The following SGCZ variants were observed in gnomAD, a reference collection of about 807,000 sequenced individuals.
SGCZ encodes the protein sarcoglycan zeta, also known as zeta-sarcoglycan.
In SGCZ, 40 loss-of-function variants were observed where a neutral mutation model predicts 41.3. That is an observed-to-expected ratio of 0.97 (90% confidence interval 0.75 to 1.26). SGCZ has a LOEUF of 1.26. SGCZ is among the 50% of genes most tolerant of loss of function. SGCZ has a pLI of 0.00. For synonymous variants in SGCZ, 206 were observed against 137.5 expected (o/e 1.50, Z -3.49); for missense variants, 552 against 369.8 (o/e 1.49, Z -4.04).
intron 2 of SGCZ, among the ~76,000 whole-genome samples, chr8:14,466,819 A>G (rs1801063776): frequency 6.6e-6 from 1 of 151,600 alleles, no homozygotes; most frequent in Non-Finnish European, 1.5e-5. Context: ...AGGTTTCTAT[A>G]TTTTATTAAT....
In SGCZ at chr8:14,380,580, G is replaced by A. The variant is rs147057273; in HGVS notation, c.235-56376C>T. On this transcript the variant is annotated intron_variant, in intron 2 of 7. Transcript: ENST00000382080. ...AAGAATTGTGCAATGTAGGCCAGGCGTGGTGGCTCATGCCTGTAATCCCAG... is the reference window on the plus strand; with the variant it reads ...AAGAATTGTGCAATGTAGGCCAGGCATGGTGGCTCATGCCTGTAATCCCAG... Among the ~76,000 whole-genome samples, 12 of 152,302 alleles carry A rather than the reference G, an allele frequency of 7.9e-5. No homozygotes were observed. In the East Asian group the frequency reaches 1.9e-3, roughly 24 times the overall value.
chr8:14,512,540 A>C (rs958959087), intron 2 of SGCZ, among the ~76,000 whole-genome samples: 1 of 151,798 alleles, frequency 6.6e-6, no homozygotes, highest in African/African-American at 2.4e-5. Context: ...AGCTGACTGC[A>C]GCCTCAAATT....
At chr8:14,806,735 G>T (rs1801543302) in intron 1 of SGCZ, among the ~76,000 whole-genome samples, 1 of 152,196 alleles carries the variant, frequency 6.6e-6, no homozygotes, top group South Asian at 2.1e-4. Context: ...ATTTTAGGGA[G>T]TTAGCATCAT....
intron 1 of SGCZ, among the ~76,000 whole-genome samples, chr8:14,808,366 A>G (rs1801621450): frequency 6.6e-6 from 1 of 152,202 alleles, no homozygotes; most frequent in African/African-American, 2.4e-5. Flanking sequence ...ATCTACGATG[A>G]ACTCAAACAA....
chr8:14,779,525 T>C (rs1800518800), intron 1 of SGCZ, among the ~76,000 whole-genome samples: 1 of 152,218 alleles, frequency 6.6e-6, no homozygotes, highest in South Asian at 2.1e-4. Flanking sequence ...ATTTTTGATC[T>C]ACAAAAATTG....
At chr8:14,137,424 A>G (rs1005508216) in intron 5 of SGCZ, among the ~76,000 whole-genome samples, 8 of 152,122 alleles carry the variant, frequency 5.3e-5, no homozygotes, top group Non-Finnish European at 8.8e-5. Context: ...AGAAGCTAAA[A>G]ACCTTGAAAA....
At chr8:14,367,768 C>A (rs1803765608) in intron 2 of SGCZ, among the ~76,000 whole-genome samples, 1 of 152,086 alleles carries the variant, frequency 6.6e-6, no homozygotes, top group Non-Finnish European at 1.5e-5. Context: ...AGGTCTCTCC[C>A]TAAACACTTG....
At chr8:14,624,568 T>A (rs1334638472) in intron 1 of SGCZ, among the ~76,000 whole-genome samples, 23,731 of 125,960 alleles carry the variant, frequency 0.19, 2,642 homozygotes, top group Admixed American at 0.23. Flanking sequence ...TTTTTTTTTT[T>A]TTTTTTTTTT....
At chr8:14,862,016 G>GA (rs377060838) in intron 1 of SGCZ, among the ~76,000 whole-genome samples, 135 of 147,664 alleles carry the variant, frequency 9.1e-4, no homozygotes, top group South Asian at 4.3e-3. Context: ...TCCACCATTG[G>GA]AAAAAAAAAA....
intron 4 of SGCZ, among the ~76,000 whole-genome samples, chr8:14,222,369 T>G (rs985365094): frequency 6.6e-6 from 1 of 151,910 alleles, no homozygotes; most frequent in Non-Finnish European, 1.5e-5. Context: ...GGGGTTTCAC[T>G]ATCTTGGCCA....
intron 3 of SGCZ, among the ~76,000 whole-genome samples, chr8:14,290,262 C>T (rs1230004004): frequency 6.6e-6 from 1 of 151,964 alleles, no homozygotes; most frequent in Non-Finnish European, 1.5e-5. Context: ...GGGAAATTTC[C>T]ATAACATTGG....
intron 2 of SGCZ, among the ~76,000 whole-genome samples, chr8:14,384,252 G>A (rs1804485482): frequency 6.6e-6 from 1 of 152,032 alleles, no homozygotes; most frequent in Admixed American, 6.6e-5. Context: ...TGCTGAGAAT[G>A]ATGGTTTCCA....
At chr8:14,695,973 T>C (rs1808948383) in intron 1 of SGCZ, among the ~76,000 whole-genome samples, 1 of 152,160 alleles carries the variant, frequency 6.6e-6, no homozygotes, top group South Asian at 2.1e-4. Flanking sequence ...GCTTCTACAA[T>C]TACCATATCA....
chr8:15,208,906 G>T (rs77769036), intron 1 of SGCZ, among the ~76,000 whole-genome samples: 5,763 of 87,994 alleles, frequency 0.065, 148 homozygotes, highest in African/African-American at 0.11. Flanking sequence ...TATATATAGA[G>T]AGAGAGAGAG....
chr8:14,125,412 G>A (rs1802820471), intron 5 of SGCZ, among the ~76,000 whole-genome samples: 1 of 151,638 alleles, frequency 6.6e-6, no homozygotes, highest in South Asian at 2.1e-4. Context: ...GCTGAGGCAG[G>A]AGAATGGCGT....
At chr8:14,820,605 G>A (rs951451368) in intron 1 of SGCZ, among the ~76,000 whole-genome samples, 1 of 151,984 alleles carries the variant, frequency 6.6e-6, no homozygotes, top group Non-Finnish European at 1.5e-5. Context: ...ACAAACGAGT[G>A]TTAACAAATT....
intron 4 of SGCZ, among the ~76,000 whole-genome samples, chr8:14,199,728 C>G (rs190041738): frequency 6.6e-6 from 1 of 152,166 alleles, no homozygotes; most frequent in Admixed American, 6.5e-5. Context: ...CGTGAAATAT[C>G]AGGAGTGAAT....
Position 14,731,018 on chromosome 8 carries a change from A to C in SGCZ, c.40-176092T>G, listed in dbSNP as rs1356089847. On this transcript the variant is annotated intron_variant, in intron 1 of 7. Coordinates refer to ENST00000382080, the MANE Select transcript of SGCZ (RefSeq NM_139167.4). ...TAGAACCAGAAATACCATTTGACCC[A>C]GCAACCCCATTACTAGGTATATACC... Among the ~76,000 whole-genome samples, 3 of 151,728 alleles carry C rather than the reference A, an allele frequency of 2.0e-5. 1 individual carries two copies. The highest frequency in any genetic ancestry group is 2.1e-4 in the South Asian group (1 of 4,816).
intron 1 of SGCZ, among the ~76,000 whole-genome samples, chr8:14,903,920 G>A (rs1799047297): frequency 6.6e-6 from 1 of 151,896 alleles, no homozygotes; most frequent in African/African-American, 2.4e-5. Context: ...TACATTAAGA[G>A]GGTTAAAACA....
Sources: gnomAD v4.1 joint callset for allele counts (sites outside exome capture counted in the v4.1 genomes callset) on GRCh38, gnomAD v4.1.1 for gene constraint, MANE v1.5 for transcripts, NCBI Gene and HGNC (gene_info 2026-07-23, HGNC 2026-07-21) for gene names.